PPP6R3: variants seen among roughly 807,000 people sequenced by gnomAD.
The protein encoded by PPP6R3 is protein phosphatase 6 regulatory subunit 3, also known as serine/threonine-protein phosphatase 6 regulatory subunit 3.
A neutral mutation model predicts 110.7 loss-of-function variants in PPP6R3; 38 were observed. The ratio of observed to expected loss-of-function variants is 0.34; its 90% CI spans 0.26 to 0.45. The LOEUF (loss-of-function observed/expected upper bound fraction) is 0.45, where lower values mean the gene tolerates loss of function less well. Among genes scored for constraint, PPP6R3 ranks in the 20% least tolerant of loss-of-function variants. The pLI, the probability that PPP6R3 is intolerant of heterozygous loss-of-function variation, is 1.00. For missense variants in PPP6R3, 870 were observed against 1,062.4 expected (o/e 0.82, Z 2.52); for synonymous variants, 369 against 373.5 (o/e 0.99, Z 0.14).
intron 1 of PPP6R3, among the ~76,000 whole-genome samples, chr11:68,477,601 C>G (rs1186278842): frequency 6.6e-6 from 1 of 151,166 alleles, no homozygotes; most frequent in Non-Finnish European, 1.5e-5. Context: ...CAGCGTGTGT[C>G]TGGAGTCCCA....
chr11:68,543,696 T>G (rs773997158), intron 3 of PPP6R3, among the ~76,000 whole-genome samples: 3 of 152,222 alleles, frequency 2.0e-5, no homozygotes, highest in Non-Finnish European at 4.4e-5. Context: ...CTTTTGAGCT[T>G]GCCACTCCTG....
chr11:68,533,487 C>T (rs67605986), intron 2 of PPP6R3, among the ~76,000 whole-genome samples: 34,908 of 151,428 alleles, frequency 0.23, 4,270 homozygotes, highest in Middle Eastern at 0.32. Flanking sequence ...CAGAGGTGGT[C>T]GATTGCTTGA....
intron 22 of PPP6R3, 86 bp from the exon 23 acceptor site, chr11:68,609,818 G>A: frequency 6.3e-7 from 1 of 1,598,064 alleles, no homozygotes; most frequent in South Asian, 1.1e-5. Context: ...CATGACTCCA[G>A]AGCCATCTGC....
intron 2 of PPP6R3, among the ~76,000 whole-genome samples, chr11:68,524,808 G>A (rs554261746): frequency 1.3e-5 from 2 of 152,330 alleles, no homozygotes; most frequent in Non-Finnish European, 1.5e-5. Context: ...GTGGCATCCT[G>A]TGAATCCATG....
intron 7 of PPP6R3, among the ~76,000 whole-genome samples, chr11:68,557,550 G>A (rs1275584895): frequency 6.6e-6 from 1 of 151,060 alleles, no homozygotes; most frequent in Admixed American, 6.6e-5. Context: ...GTGGAGTCTC[G>A]TTCTGTCACC....
intron 3 of PPP6R3, 95 bp downstream of exon 3, chr11:68,537,986 G>A (rs1458779727): frequency 3.2e-6 from 3 of 937,304 alleles, no homozygotes; most frequent in Non-Finnish European, 4.8e-6. Flanking sequence ...TGTGACTGTT[G>A]CCATTTACAG....
chr11:68,614,108 T>C lies in PPP6R3; in HGVS notation c.*991T>C. 1 of 985,940 alleles carries C rather than the reference T, an allele frequency of 1.0e-6. No homozygotes were observed. Among genetic ancestry groups the C allele is most frequent in the African/African-American group, 1.7e-5 (1 of 57,290 alleles). The allele number at this position is 985,940 out of a possible 1,614,324, so 61.1% of individuals were successfully genotyped here. On this transcript the variant is annotated 3_prime_UTR_variant, in exon 24 of 24. Transcript: ENST00000393800. ...GCTCGTGCTGCTAATGGAATTAGAG[T>C]GCGTTCATTTTACAGGCTAGTATTT...
intron 1 of PPP6R3, among the ~76,000 whole-genome samples, chr11:68,508,910 A>G (rs1389724479): frequency 2.0e-5 from 3 of 152,222 alleles, no homozygotes; most frequent in Non-Finnish European, 4.4e-5. Context: ...GGCTGCAAAT[A>G]AAAGTATACT....
At chr11:68,511,780 C>CGTGT (rs143019841) in intron 1 of PPP6R3, among the ~76,000 whole-genome samples, 7,838 of 126,500 alleles carry the variant, frequency 0.062, 242 homozygotes, top group Non-Finnish European at 0.081. Context: ...TGCGCCCAGC[C>CGTGT]GTGTGTGTGT....
chr11:68,543,659 A>G (rs1418135341), intron 3 of PPP6R3, among the ~76,000 whole-genome samples: 3 of 152,050 alleles, frequency 2.0e-5, no homozygotes, highest in East Asian at 1.9e-4. Flanking sequence ...ACGTTTGGCT[A>G]TTTTGCCATC....
intron 1 of PPP6R3, among the ~76,000 whole-genome samples, chr11:68,519,233 C>T (rs1278152011): frequency 6.6e-6 from 1 of 152,098 alleles, no homozygotes; most frequent in Admixed American, 6.6e-5. Flanking sequence ...ATGTATTTTT[C>T]TTCTTCACTC....
chr11:68,484,482 T>C (rs1166054957), intron 1 of PPP6R3, among the ~76,000 whole-genome samples: 2 of 152,144 alleles, frequency 1.3e-5, no homozygotes, highest in African/African-American at 4.8e-5. Context: ...TTTCAAATGC[T>C]TACTTGCTGT....
chr11:68,492,515 C>A (rs2098990363), intron 1 of PPP6R3, among the ~76,000 whole-genome samples: 1 of 152,168 alleles, frequency 6.6e-6, no homozygotes, highest in Non-Finnish European at 1.5e-5. Flanking sequence ...TCCATTTATC[C>A]ATCAATGGAC....
At chr11:68,598,409 G>C (rs778658757) in intron 19 of PPP6R3, among the ~76,000 whole-genome samples, 1 of 152,212 alleles carries the variant, frequency 6.6e-6, no homozygotes, top group Admixed American at 6.5e-5. Flanking sequence ...GATAAGCAGC[G>C]AGGAGGCGAG....
intron 18 of PPP6R3, among the ~76,000 whole-genome samples, chr11:68,594,975 A>G (rs1306112101): frequency 1.3e-5 from 2 of 152,224 alleles, no homozygotes; most frequent in Non-Finnish European, 2.9e-5. Flanking sequence ...AAGAAAGGAT[A>G]GTCTTTTCAA....
At position 68,614,529 on chromosome 11, in the gene PPP6R3, A is replaced by C; in HGVS notation, c.*1412A>C. On this transcript the variant is annotated 3_prime_UTR_variant, in exon 24 of 24. Coordinates refer to ENST00000393800, the MANE Select transcript of PPP6R3 (RefSeq NM_001164161.2). ...AAAAATGGCCAACAATTTTTTTAGA[A>C]GTAGCATCCCAAGCAGCGTGCCTAA... The C allele has an allele frequency of 7.0e-7, 1 of 1,435,844 alleles. No individual in the cohort carries two copies. The highest frequency in any genetic ancestry group is 1.5e-5 in the South Asian group (1 of 64,688). 88.9% of individuals were successfully genotyped at this position (1,435,844 alleles called of 1,614,324 possible).
At chr11:68,550,903 AATTT>A in intron 5 of PPP6R3, 1 of 468,826 alleles carries the variant, frequency 2.1e-6, no homozygotes, top group Non-Finnish European at 3.7e-6. Context: ...TGGGTATTGT[AATTT>A]GGGGAGTTGT....
chr11:68,496,473 C>G (rs1468481153), intron 1 of PPP6R3, among the ~76,000 whole-genome samples: 1 of 151,838 alleles, frequency 6.6e-6, no homozygotes, highest in African/African-American at 2.4e-5. Context: ...ACTGCGCTTG[C>G]CTCATTTGGT....
At chr11:68,572,699 G>A (rs749371695) in intron 12 of PPP6R3, among the ~76,000 whole-genome samples, 33 of 152,066 alleles carry the variant, frequency 2.2e-4, no homozygotes, top group Non-Finnish European at 4.0e-4. Flanking sequence ...AAAATTAGCC[G>A]GATGTGGTGG....
Sources: gnomAD v4.1 joint callset for allele counts (sites outside exome capture counted in the v4.1 genomes callset) on GRCh38, gnomAD v4.1.1 for gene constraint, MANE v1.5 for transcripts, NCBI Gene and HGNC (gene_info 2026-07-23, HGNC 2026-07-21) for gene names.